Variants in NECTIN4 observed in about 807,000 individuals in gnomAD.
The protein encoded by NECTIN4 is nectin cell adhesion molecule 4, also known as nectin-4.
A neutral mutation model predicts 51.7 loss-of-function variants in NECTIN4; 19 were observed. The ratio of observed to expected loss-of-function variants is 0.37; its 90% CI spans 0.26 to 0.54. The LOEUF (loss-of-function observed/expected upper bound fraction) is 0.54. NECTIN4 is among the 20% of genes least tolerant of loss of function. The probability of loss-of-function intolerance (pLI) is 0.86; values close to 1 mark genes in which losing one functional copy is unlikely to be tolerated. For missense variants in NECTIN4, 619 were observed against 662.4 expected (o/e 0.93, Z 0.72); for synonymous variants, 283 against 286.9 (o/e 0.99, Z 0.14).
chr1:161,078,778 A>C (rs12142854), intron 2 of NECTIN4, among the ~76,000 whole-genome samples: 113,072 of 151,510 alleles, frequency 0.75, 42,264 homozygotes, highest in Middle Eastern at 0.79. Flanking sequence ...TTGGGAGGCC[A>C]AGACGAGCGG....
At chr1:161,088,282 G>A (rs1654039092) in intron 1 of NECTIN4, among the ~76,000 whole-genome samples, 1 of 152,062 alleles carries the variant, frequency 6.6e-6, no homozygotes, top group East Asian at 1.9e-4. Flanking sequence ...GAATCAAACT[G>A]TCCTGTCCAG....
chr1:161,088,065 C>G (rs1414970846), intron 1 of NECTIN4, among the ~76,000 whole-genome samples: 1 of 152,114 alleles, frequency 6.6e-6, no homozygotes, highest in Non-Finnish European at 1.5e-5. Flanking sequence ...GAGGGGATGG[C>G]AGGGGTAGGA....
chr1:161,081,455 T>G (rs371088160), intron 1 of NECTIN4, among the ~76,000 whole-genome samples: 2 of 152,218 alleles, frequency 1.3e-5, no homozygotes, highest in East Asian at 3.9e-4. Flanking sequence ...CTCCTAAATT[T>G]CTAGGATGAG....
chr1:161,074,093 C>T, intron 6 of NECTIN4, 124 bp downstream of exon 6: 1 of 1,231,280 alleles, frequency 8.1e-7, no homozygotes, highest in African/African-American at 1.5e-5. Flanking sequence ...ACACCCTGCC[C>T]ACCTCTAGTC....
intron 2 of NECTIN4, 48 bp downstream of exon 2, chr1:161,079,542 C>T: frequency 6.3e-7 from 1 of 1,596,668 alleles, no homozygotes; most frequent in South Asian, 1.1e-5. Flanking sequence ...TCTCTGCTTC[C>T]CCCTGCATCC....
Position 161,076,335 on chromosome 1 carries a change from C to T in NECTIN4, c.851+20G>A, listed in dbSNP as rs1378977011. 1.2e-6 allele frequency: 2 copies of T among 1,613,986 alleles called. No individual in the cohort carries two copies. The highest frequency in any genetic ancestry group is 1.3e-5 in the African/African-American group (1 of 75,028). The stretch of plus-strand genomic sequence containing the variant: ...GGAACCTAGTCTCAAGTTAGGCCTT[C>T]CTCAGGCTCGGGCCCTTACCGTGTC... On this transcript the variant is annotated intron_variant, in intron 4 of 8. Transcript: ENST00000368012.
At position 161,072,273 on chromosome 1, in the gene NECTIN4, C is replaced by A. The variant is rs12116949; in HGVS notation, c.*388G>T. On this transcript the variant is annotated 3_prime_UTR_variant, in exon 9 of 9. Coordinates refer to ENST00000368012, the MANE Select transcript of NECTIN4 (RefSeq NM_030916.3). ...GTCACACACAGCCACATGACACACA[C>A]GCCAAACCCTGACAGTGTTGCCCAC... is the stretch of plus-strand genomic sequence containing the variant. 0.23 allele frequency: 85,286 copies of A among 363,936 alleles called. 11,481 individuals carry two copies. Among genetic ancestry groups the A allele is most frequent in the Non-Finnish European group, 0.28 (53,318 of 187,502 alleles). 22.5% of individuals were successfully genotyped at this position (363,936 alleles called of 1,614,324 possible).
intron 1 of NECTIN4, among the ~76,000 whole-genome samples, 188 bp from the exon 2 acceptor site, chr1:161,080,137 G>A (rs1434394510): frequency 6.6e-6 from 1 of 152,158 alleles, no homozygotes; most frequent in Non-Finnish European, 1.5e-5. Context: ...TATTATCACC[G>A]TTTAACAGAT....
Position 161,079,681 on chromosome 1 carries a change from G to T in NECTIN4, c.348C>A (p.Asn116Lys), listed in dbSNP as rs762500186. The change falls in exon 2 of 9, where the codon AAC becomes AAA. Residue 116 changes from asparagine (N) to lysine (K), a missense_variant. Physicochemically the swap from Asn to Lys is moderately conservative, Grantham distance 94 (BLOSUM62 0). This residue lies in a region of NECTIN4 where 218 missense variants were observed against 186.3 expected (regional missense o/e 1.17). Coordinates refer to ENST00000368012, the MANE Select transcript of NECTIN4 (RefSeq NM_030916.3). ...ACTCGCCCTCATCCGCCTGCACTGC[G>T]TTGCGCAGGAGCACTGAGCCGTCCA... ...NPLDGSVLLR[N>K]AVQADEGEYE... 6.2e-7 allele frequency: 1 copy of T among 1,607,470 alleles called. No individual in the cohort carries two copies. Among genetic ancestry groups the T allele is most frequent in the Non-Finnish European group, 8.5e-7 (1 of 1,179,586 alleles).
rs187919250 is a variant in NECTIN4 at position 161,077,941 on chromosome 1, G to A, written c.440-198C>T. Among the ~76,000 whole-genome samples, 188 of 152,128 alleles carry A rather than the reference G, an allele frequency of 1.2e-3. 1 individual carries two copies. The highest frequency in any genetic ancestry group is 4.1e-3 in the African/African-American group (172 of 41,494). On this transcript the variant is annotated intron_variant, in intron 2 of 8. Coordinates refer to ENST00000368012, the MANE Select transcript of NECTIN4 (RefSeq NM_030916.3). ...ACTGTGCGAATTTTTTACAATGAAC[G>A]TAGGTTATTTTAAAAAATAAAATAA...
chr1:161,089,096 GTT>G lies in NECTIN4; in HGVS notation c.79+120_79+121del. ...GGGGGCAGGAGAGACTGGATCCTCAGTTCAGAGTCAAAGAAAGGAGGATATGT... is the reference window on the plus strand; with the variant it reads ...GGGGGCAGGAGAGACTGGATCCTCAGCAGAGTCAAAGAAAGGAGGATATGT... On this transcript the variant is annotated intron_variant, in intron 1 of 8. Coordinates refer to ENST00000368012, the MANE Select transcript of NECTIN4 (RefSeq NM_030916.3). This position sits in a 1 kb window ranked among gnomAD's most constrained non-coding sequence, Gnocchi z 4.1. 1.1e-6 allele frequency: 1 copy of G among 937,976 alleles called. No homozygotes were observed. The highest frequency in any genetic ancestry group is 1.7e-6 in the Non-Finnish European group (1 of 576,586). The allele number at this position is 937,976 out of a possible 1,614,324, so 58.1% of individuals were successfully genotyped here. A position where few individuals can be genotyped will look rare whatever the true frequency, so the allele number is the denominator to read the frequency against.
intron 7 of NECTIN4, 32 bp from the exon 8 acceptor site, chr1:161,073,331 A>G: frequency 6.3e-7 from 1 of 1,595,526 alleles, no homozygotes; most frequent in Non-Finnish European, 8.6e-7. Context: ...CAGTTAGAAC[A>G]GGGCTCAGCC....
chr1:161,077,650 G>A lies in NECTIN4; in HGVS notation c.533C>T (p.Ala178Val). ...AASCTAEGSP[A>V]PSVTWDTEVK... ...CTCCGTGTCCCAGGTCACGCTGGGG[G>A]CTGGGCTGCCCTCAGCTGTGCAGGA... Residue 178 changes from alanine (A) to valine (V), a missense_variant, in exon 3 of 9, where the codon GCC (alanine) becomes GTC (valine). By Grantham distance (64) the Ala-to-Val change is moderately conservative. Transcript: ENST00000368012. 1 of 1,613,578 alleles carries A rather than the reference G, an allele frequency of 6.2e-7. No homozygotes were observed. Among genetic ancestry groups the A allele is most frequent in the African/African-American group, 1.3e-5 (1 of 75,050 alleles).
chr1:161,074,157 T>C (rs1653307112), intron 6 of NECTIN4, 60 bp downstream of exon 6: 13 of 1,607,368 alleles, frequency 8.1e-6, no homozygotes, highest in Non-Finnish European at 1.1e-5. Context: ...GCCCACCTCC[T>C]GCTATCCTCT....
chr1:161,077,624 C>T lies in NECTIN4; in HGVS notation c.559G>A (p.Val187Ile). ...PAPSVTWDTE[V>I]KGTTSSRSFK... The stretch of plus-strand genomic sequence containing the variant: ...GAACGGCTGGACGTTGTGCCTTTGA[C>T]CTCCGTGTCCCAGGTCACGCTGGGG... The change falls in exon 3 of 9, where the codon GTC becomes ATC. Residue 187 changes from valine (V) to isoleucine (I), a missense_variant. Val to Ile is a conservative substitution (Grantham distance 29). Transcript: ENST00000368012. The T allele has an allele frequency of 1.2e-6, 2 of 1,613,744 alleles. No homozygotes were observed. The highest frequency in any genetic ancestry group is 8.5e-7 in the Non-Finnish European group (1 of 1,180,024).
chr1:161,082,386 C>CA (rs1178338552), intron 1 of NECTIN4, among the ~76,000 whole-genome samples: 1 of 151,978 alleles, frequency 6.6e-6, no homozygotes, highest in Non-Finnish European at 1.5e-5. Context: ...AGGAACATTA[C>CA]ATGGTAACCT....
At position 161,072,344 on chromosome 1, in the gene NECTIN4, T is replaced by A; in HGVS notation, c.*317A>T. On this transcript the variant is annotated 3_prime_UTR_variant, in exon 9 of 9. Coordinates refer to ENST00000368012, the MANE Select transcript of NECTIN4 (RefSeq NM_030916.3). ...GCACATACACCACAGTTCACTTGACTCTGATATGACAGCATAATACACACC... is the reference window on the plus strand; with the variant it reads ...GCACATACACCACAGTTCACTTGACACTGATATGACAGCATAATACACACC... The A allele has an allele frequency of 2.2e-6, 1 of 458,540 alleles. No homozygotes were observed. Among genetic ancestry groups the A allele is most frequent in the Non-Finnish European group, 4.1e-6 (1 of 245,396 alleles). 28.4% of individuals were successfully genotyped at this position (458,540 alleles called of 1,614,324 possible). A position where few individuals can be genotyped will look rare whatever the true frequency, so the allele number is the denominator to read the frequency against.
chr1:161,082,399 G>A (rs977555496), intron 1 of NECTIN4, among the ~76,000 whole-genome samples: 1 of 152,092 alleles, frequency 6.6e-6, no homozygotes, highest in Non-Finnish European at 1.5e-5. Flanking sequence ...GGTAACCTTG[G>A]GGTGGAGGCA....
chr1:161,077,431 A>G (rs777108820), intron 3 of NECTIN4, 22 bp downstream of exon 3: 2 of 1,613,400 alleles, frequency 1.2e-6, no homozygotes, highest in African/African-American at 2.7e-5. Context: ...GGGCCTCCCT[A>G]CCCAAGCATC....
Sources: allele counts gnomAD v4.1 joint callset (sites outside exome capture counted in the v4.1 genomes callset), GRCh38; gene constraint gnomAD v4.1.1; regional missense constraint gnomAD v4.1.1; non-coding constraint Gnocchi (gnomAD v3.1); transcripts MANE v1.5; gene names NCBI Gene and HGNC (gene_info 2026-07-23, HGNC 2026-07-21).